Variants in CFAP77 observed in about 807,000 individuals in gnomAD.
CFAP77 encodes the protein cilia- and flagella-associated protein 77.
In CFAP77, 25 loss-of-function variants were observed where a neutral mutation model predicts 31.1. That is an observed-to-expected ratio of 0.80 (90% CI 0.59 to 1.12). The LOEUF (loss-of-function observed/expected upper bound fraction) is 1.12, where lower values mean the gene tolerates loss of function less well. CFAP77 is among the 50% of genes most tolerant of loss of function. CFAP77 has a pLI of 0.00. For missense variants in CFAP77, 377 were observed against 397.3 expected (o/e 0.95, Z 0.44); for synonymous variants, 151 against 159.9 (o/e 0.94, Z 0.42).
intron 1 of CFAP77, among the ~76,000 whole-genome samples, chr9:132,419,891 T>C: frequency 6.6e-6 from 1 of 152,168 alleles, no homozygotes; most frequent in East Asian, 1.9e-4. Context: ...CTGGGGGCAG[T>C]GACTCACACC....
chr9:132,518,099 G>A (rs190779038), intron 3 of CFAP77, among the ~76,000 whole-genome samples: 13 of 152,200 alleles, frequency 8.5e-5, no homozygotes, highest in East Asian at 1.9e-4. Context: ...CTGTCATCAC[G>A]ACACAGGCTG....
chr9:132,537,622 TCTG>T lies in CFAP77; in HGVS notation c.551_553del (p.Leu184del), dbSNP rs758840812. The T allele has an allele frequency of 2.2e-5, 35 of 1,612,748 alleles. No individual in the cohort carries two copies. The highest frequency in any genetic ancestry group is 2.7e-5 in the Non-Finnish European group (32 of 1,179,422). ...CCAGGCCTTCCACACCCTTCTTTGATCTGCTGCAGCACCGGTACCTGCAGCTGT... is the reference window on the plus strand; with the variant it reads ...CCAGGCCTTCCACACCCTTCTTTGATCTGCAGCACCGGTACCTGCAGCTGT... On this transcript the variant is annotated inframe_deletion, in exon 4 of 6. Coordinates refer to ENST00000393216, the MANE Select transcript of CFAP77 (RefSeq NM_001282957.2).
chr9:132,449,277 TCC>T (rs1564207828), intron 1 of CFAP77, among the ~76,000 whole-genome samples: 28 of 77,638 alleles, frequency 3.6e-4, no homozygotes, highest in Non-Finnish European at 6.4e-4. Flanking sequence ...GCACTCACCC[TCC>T]TCTCCTACTC....
intron 1 of CFAP77, among the ~76,000 whole-genome samples, chr9:132,459,157 C>T (rs139509104): frequency 0.037 from 5,596 of 151,668 alleles, 345 homozygotes; most frequent in African/African-American, 0.13. Context: ...CTGCAAGCTC[C>T]GCCTCCCAGG....
At chr9:132,453,939 G>A (rs924529104) in intron 1 of CFAP77, among the ~76,000 whole-genome samples, 4 of 152,166 alleles carry the variant, frequency 2.6e-5, no homozygotes, top group East Asian at 1.9e-4. Context: ...ATTTATCAGC[G>A]TGTGTATTTG....
chr9:132,557,312 G>C (rs940335437), intron 5 of CFAP77, among the ~76,000 whole-genome samples: 3 of 152,232 alleles, frequency 2.0e-5, no homozygotes, highest in Non-Finnish European at 4.4e-5. Context: ...AGTCCAAGGT[G>C]ATGGATGCTT....
chr9:132,537,746 G>A, intron 4 of CFAP77, 40 bp downstream of exon 4: 1 of 1,502,086 alleles, frequency 6.7e-7, no homozygotes, highest in Non-Finnish European at 9.3e-7. Flanking sequence ...AGCTGATGGG[G>A]TGGAGAAGAG....
rs59722731 is a variant in CFAP77 at position 132,481,959 on chromosome 9, T to TGGGGGGGGGG, written c.196-16731_196-16722dup. 8.6e-6 allele frequency among the ~76,000 whole-genome samples: 1 copy of TGGGGGGGGGG among 115,734 alleles called. No homozygotes were observed. Among genetic ancestry groups the TGGGGGGGGGG allele is most frequent in the Non-Finnish European group, 1.9e-5 (1 of 53,330 alleles). The allele number at this position is 115,734 out of a possible 152,430, so 75.9% of individuals were successfully genotyped here. On this transcript the variant is annotated intron_variant, in intron 1 of 5. Coordinates refer to ENST00000393216, the MANE Select transcript of CFAP77 (RefSeq NM_001282957.2). This position sits in a 1 kb window ranked among gnomAD's most constrained non-coding sequence, Gnocchi z 5.0. ...TCAGGAAGGAACAAGGGTTTATGGTTGGGGGGGGGGGGGGCGGCGGAACAC... is the reference window on the plus strand; with the variant it reads ...TCAGGAAGGAACAAGGGTTTATGGTTGGGGGGGGGGGGGGGGGGGGGGGGCGGCGGAACAC...
Position 132,565,570 on chromosome 9 carries a change from G to T in CFAP77, c.733-6818G>T, listed in dbSNP as rs1244124312. 1.3e-5 allele frequency among the ~76,000 whole-genome samples: 2 copies of T among 152,028 alleles called. No individual in the cohort carries two copies. Among genetic ancestry groups the T allele is most frequent in the Non-Finnish European group, 2.9e-5 (2 of 67,994 alleles). On this transcript the variant is annotated intron_variant, in intron 5 of 5. Transcript: ENST00000393216. This position sits in a 1 kb window ranked among gnomAD's most constrained non-coding sequence, Gnocchi z 4.1. ...CGCTTGAACCCGGGAGGCAGAGTTT[G>T]CAGTGAGCTGAGATCACACCACTGC...
At chr9:132,478,449 G>A (rs1171560761) in intron 1 of CFAP77, among the ~76,000 whole-genome samples, 2 of 152,166 alleles carry the variant, frequency 1.3e-5, no homozygotes, top group African/African-American at 2.4e-5. Context: ...TTCAGAGGCT[G>A]TACTCGCCGA....
At chr9:132,476,715 G>A (rs1341471183) in intron 1 of CFAP77, among the ~76,000 whole-genome samples, 1 of 152,150 alleles carries the variant, frequency 6.6e-6, no homozygotes, top group Non-Finnish European at 1.5e-5. Flanking sequence ...AAGGCCATGT[G>A]GAAACAGAGG....
At chr9:132,534,316 A>C (rs1852507507) in intron 3 of CFAP77, among the ~76,000 whole-genome samples, 1 of 152,110 alleles carries the variant, frequency 6.6e-6, no homozygotes, top group Non-Finnish European at 1.5e-5. Context: ...TGGCTTTTCT[A>C]TAAAGAACTT....
chr9:132,451,354 AAAAG>A (rs1564208547), intron 1 of CFAP77, among the ~76,000 whole-genome samples: 4 of 151,390 alleles, frequency 2.6e-5, no homozygotes, highest in Non-Finnish European at 5.9e-5. Flanking sequence ...AAAAAAAAAA[AAAAG>A]AAAGATCATG....
At position 132,481,496 on chromosome 9, in the gene CFAP77, A is replaced by G. The variant is rs138310901; in HGVS notation, c.196-17199A>G. ...CCATCTTTGTGTGCTCAAGGTACCG[A>G]GCACAGTGGCTTGCACCCCGTCGGT... On this transcript the variant is annotated intron_variant, in intron 1 of 5. Coordinates refer to ENST00000393216, the MANE Select transcript of CFAP77 (RefSeq NM_001282957.2). This position sits in a 1 kb window ranked among gnomAD's most constrained non-coding sequence, Gnocchi z 5.0. 1.8e-3 allele frequency among the ~76,000 whole-genome samples: 268 copies of G among 152,280 alleles called. 1 individual carries two copies. The highest frequency in any genetic ancestry group is 5.9e-3 in the African/African-American group (246 of 41,546).
At chr9:132,541,104 C>T (rs990179917) in intron 4 of CFAP77, among the ~76,000 whole-genome samples, 4 of 152,180 alleles carry the variant, frequency 2.6e-5, no homozygotes, top group Non-Finnish European at 4.4e-5. Flanking sequence ...TTTGCAAAGC[C>T]ACATCCCCAC....
rs1230207038 is a variant in CFAP77 at position 132,491,960 on chromosome 9, T to C, written c.196-6735T>C. Among the ~76,000 whole-genome samples, 7 of 152,220 alleles carry C rather than the reference T, an allele frequency of 4.6e-5. No individual in the cohort carries two copies. In the East Asian group the frequency reaches 1.2e-3, roughly 25 times the overall value. On this transcript the variant is annotated intron_variant, in intron 1 of 5. Transcript: ENST00000393216. Reference sequence around the variant, plus strand: ...CTTACTGTTATGTTTTCTGAAGTGATAGCTCTTCCCATAAATCTCAGTCTA... The same window carrying C: ...CTTACTGTTATGTTTTCTGAAGTGACAGCTCTTCCCATAAATCTCAGTCTA...
intron 3 of CFAP77, among the ~76,000 whole-genome samples, chr9:132,536,455 G>A (rs1013068835): frequency 2.0e-5 from 3 of 146,752 alleles, no homozygotes; most frequent in East Asian, 2.0e-4. Context: ...GTGCAGTGAC[G>A]TGATCTTGGC....
At chr9:132,537,808 A>G in intron 4 of CFAP77, 102 bp downstream of exon 4, 1 of 824,686 alleles carries the variant, frequency 1.2e-6, no homozygotes, top group South Asian at 1.7e-5. Context: ...TATGTTTGTC[A>G]TTGGGGATGA....
intron 1 of CFAP77, among the ~76,000 whole-genome samples, chr9:132,458,349 G>GT (rs1491445913): frequency 2.6e-4 from 30 of 114,152 alleles, no homozygotes; most frequent in South Asian, 1.3e-3. Context: ...TGGCGGGGGA[G>GT]GGGGGGGGGT....
Sources: gnomAD v4.1 joint callset for allele counts (sites outside exome capture counted in the v4.1 genomes callset) on GRCh38, gnomAD v4.1.1 for gene constraint, Gnocchi (gnomAD v3.1) non-coding constraint, MANE v1.5 for transcripts, NCBI Gene and HGNC (gene_info 2026-07-23, HGNC 2026-07-21) for gene names.